HMGCLL1: variants seen among roughly 807,000 people sequenced by gnomAD.
HMGCLL1 encodes the protein 3-hydroxymethyl-3-methylglutaryl-CoA lyase, cytoplasmic.
A neutral mutation model predicts 39.1 loss-of-function variants in HMGCLL1; 36 were observed. The observed-to-expected ratio is 0.92, with a 90% CI of 0.71 to 1.22. The LOEUF (loss-of-function observed/expected upper bound fraction) is 1.22. HMGCLL1 is among the 50% of genes most tolerant of loss of function. The pLI, the probability that HMGCLL1 is intolerant of heterozygous loss-of-function variation, is 0.00. For synonymous variants in HMGCLL1, 149 were observed against 144.0 expected (o/e 1.03, Z -0.25); for missense variants, 451 against 416.5 (o/e 1.08, Z -0.72).
chr6:55,536,318 C>A, intron 3 of HMGCLL1, among the ~76,000 whole-genome samples: 1 of 152,152 alleles, frequency 6.6e-6, no homozygotes, highest in East Asian at 1.9e-4. Context: ...TATTTTTAAA[C>A]TAAGCCTTTG....
At chr6:55,468,144 T>C (rs1189997774) in intron 7 of HMGCLL1, among the ~76,000 whole-genome samples, 3 of 151,966 alleles carry the variant, frequency 2.0e-5, no homozygotes, top group African/African-American at 4.8e-5. Flanking sequence ...GCAGACTCGA[T>C]ATTAAGGTTG....
upstream of HMGCLL1, among the ~76,000 whole-genome samples, chr6:55,583,720 T>C (rs987595396): frequency 3.3e-5 from 5 of 152,284 alleles, no homozygotes; most frequent in Middle Eastern, 3.4e-3. Context: ...TATTTTTCTA[T>C]AGGAATCTTT....
At chr6:55,451,577 A>C (rs1561888127) in intron 7 of HMGCLL1, among the ~76,000 whole-genome samples, 2 of 119,450 alleles carry the variant, frequency 1.7e-5, no homozygotes, top group Admixed American at 8.7e-5. Context: ...AAACAAAAAC[A>C]AAAACAAAAA....
chr6:55,608,497 C>T, the HMGCLL1 span, among the ~76,000 whole-genome samples: 1 of 152,020 alleles, frequency 6.6e-6, no homozygotes, highest in Non-Finnish European at 1.5e-5. Flanking sequence ...GGAAAAAAAA[C>T]AGGCTAATCG....
chr6:55,635,006 C>T, the HMGCLL1 span, among the ~76,000 whole-genome samples: 1 of 152,042 alleles, frequency 6.6e-6, no homozygotes, highest in Non-Finnish European at 1.5e-5. Context: ...AACTCAAAAT[C>T]TCCCTAAAGG....
intron 1 of HMGCLL1, among the ~76,000 whole-genome samples, chr6:55,554,167 G>GA (rs1770520389): frequency 6.6e-6 from 1 of 151,848 alleles, no homozygotes; most frequent in Admixed American, 6.6e-5. Flanking sequence ...TGTTTTCATG[G>GA]AAAAAAATAC....
At chr6:55,647,772 T>A in the HMGCLL1 span, among the ~76,000 whole-genome samples, 6 of 132,220 alleles carry the variant, frequency 4.5e-5, no homozygotes, top group East Asian at 2.0e-4. Flanking sequence ...TTATTTTATT[T>A]TTTTTTTTTA....
intron 3 of HMGCLL1, among the ~76,000 whole-genome samples, chr6:55,539,733 GAAAAATAACTA>G (rs1365368506): frequency 6.7e-6 from 1 of 150,282 alleles, no homozygotes; most frequent in Non-Finnish European, 1.5e-5. Flanking sequence ...AGAGAATAAG[GAAAAATAACTA>G]AAGGATACTA....
At chr6:55,615,459 G>A in the HMGCLL1 span, among the ~76,000 whole-genome samples, 1 of 152,136 alleles carries the variant, frequency 6.6e-6, no homozygotes, top group Admixed American at 6.6e-5. Flanking sequence ...ACTTGCAGGT[G>A]GAGTGTAAAG....
At chr6:55,480,175 A>G (rs1475004278) in intron 7 of HMGCLL1, among the ~76,000 whole-genome samples, 1 of 151,630 alleles carries the variant, frequency 6.6e-6, no homozygotes, top group Non-Finnish European at 1.5e-5. Flanking sequence ...TGCATAGCAA[A>G]CAACAAAGAG....
the HMGCLL1 span, among the ~76,000 whole-genome samples, chr6:55,642,901 C>A: frequency 2.0e-3 from 301 of 152,196 alleles, 2 homozygotes; most frequent in African/African-American, 6.8e-3. Context: ...ATTTGATTTT[C>A]CATTTCTGCA....
chr6:55,597,841 A>G, the HMGCLL1 span, among the ~76,000 whole-genome samples: 3 of 152,194 alleles, frequency 2.0e-5, no homozygotes, highest in Non-Finnish European at 4.4e-5. Context: ...TTTTTGATAG[A>G]CTTATTAGCT....
chr6:55,448,230 T>C (rs1033570585), intron 7 of HMGCLL1, among the ~76,000 whole-genome samples: 7 of 151,834 alleles, frequency 4.6e-5, no homozygotes, highest in South Asian at 2.1e-4. Flanking sequence ...ATAGGTTAAA[T>C]GTTGAAAAAT....
chr6:55,671,030 G>C, the HMGCLL1 span, among the ~76,000 whole-genome samples: 1 of 151,532 alleles, frequency 6.6e-6, no homozygotes, highest in Non-Finnish European at 1.5e-5. Context: ...AAAATTACCA[G>C]GAATAAAAAG....
At position 55,442,669 on chromosome 6, in the gene HMGCLL1, A is replaced by C. The variant is rs552276833; in HGVS notation, c.796-3110T>G. Among the ~76,000 whole-genome samples, 5 of 152,288 alleles carry C rather than the reference A, an allele frequency of 3.3e-5. No individual in the cohort carries two copies. The South Asian group carries it at 6.2e-4, about 19-fold the overall frequency. The stretch of plus-strand genomic sequence containing the variant: ...TCCATTTCTTCTTCTTATACTCTCC[A>C]ACATGAGAAGGTCTCTATTGCTTTC... On this transcript the variant is annotated intron_variant, in intron 7 of 8. Coordinates refer to ENST00000274901, the MANE Select transcript of HMGCLL1 (RefSeq NM_001042406.2).
chr6:55,499,060 C>T (rs993426207), intron 6 of HMGCLL1, among the ~76,000 whole-genome samples, 176 bp downstream of exon 6: 9 of 152,104 alleles, frequency 5.9e-5, no homozygotes, highest in Admixed American at 4.6e-4. Flanking sequence ...AGCCAATGTA[C>T]AGGACTTCAC....
intron 7 of HMGCLL1, among the ~76,000 whole-genome samples, chr6:55,441,287 GAGACCTAATC>G (rs1763587878): frequency 6.6e-6 from 1 of 152,116 alleles, no homozygotes; most frequent in Non-Finnish European, 1.5e-5. Context: ...TAGAGGAGGA[GAGACCTAATC>G]AGATCGGGCA....
chr6:55,444,014 T>C (rs572890041), intron 7 of HMGCLL1, among the ~76,000 whole-genome samples: 1 of 152,144 alleles, frequency 6.6e-6, no homozygotes, highest in Non-Finnish European at 1.5e-5. Context: ...GCTTCGAGGG[T>C]GCTGGTAATA....
chr6:55,499,182 A>C, intron 6 of HMGCLL1, 54 bp downstream of exon 6: 2 of 1,396,656 alleles, frequency 1.4e-6, no homozygotes, highest in Non-Finnish European at 9.9e-7. Flanking sequence ...CCCCCTTTTA[A>C]AAATAATATA....
Sources: gnomAD v4.1 joint callset for allele counts (sites outside exome capture counted in the v4.1 genomes callset) on GRCh38, gnomAD v4.1.1 for gene constraint, MANE v1.5 for transcripts, NCBI Gene and HGNC (gene_info 2026-07-23, HGNC 2026-07-21) for gene names.